Variants in PCDHGA3 observed in about 807,000 individuals in gnomAD.
PCDHGA3 encodes protocadherin gamma subfamily A, 3, also known as protocadherin gamma-A3.
PCDHGA3 carries 40 observed loss-of-function variants against 58.5 expected under a neutral mutation model. The ratio of observed to expected loss-of-function variants is 0.68; its 90% CI spans 0.53 to 0.89. The LOEUF (loss-of-function observed/expected upper bound fraction) is 0.89, where lower values mean the gene tolerates loss of function less well. PCDHGA3 is among the 40% of genes least tolerant of loss of function. PCDHGA3 has a pLI of 0.00. For missense variants in PCDHGA3, 1,223 were observed against 1,195.9 expected (o/e 1.02, Z -0.33); for synonymous variants, 530 against 525.7 (o/e 1.01, Z -0.11).
intron 1 of PCDHGA3, chr5:141,409,289 G>A: frequency 1.2e-6 from 2 of 1,613,976 alleles, no homozygotes; most frequent in Middle Eastern, 1.6e-4. Context: ...TTCACCTCCA[G>A]GAATGGTTGT....
chr5:141,370,473 C>T (rs1248894639), intron 1 of PCDHGA3: 2 of 1,613,496 alleles, frequency 1.2e-6, no homozygotes, highest in Non-Finnish European at 1.7e-6. Flanking sequence ...TTTGTTAGAC[C>T]AGGCTCTCTC....
intron 1 of PCDHGA3, chr5:141,393,583 C>T: frequency 6.2e-7 from 1 of 1,613,930 alleles, no homozygotes. Flanking sequence ...AACATGCCCC[C>T]AGGCACGCGG....
At position 141,351,571 on chromosome 5, in the gene PCDHGA3, C is replaced by T. The variant is rs370102258; in HGVS notation, c.2424+5114C>T. 24 of 1,613,956 alleles carry T rather than the reference C, an allele frequency of 1.5e-5. No homozygotes were observed. In the African/African-American group the frequency reaches 2.4e-4, roughly 16 times the overall value. On this transcript the variant is annotated intron_variant, in intron 1 of 3. Coordinates refer to ENST00000253812, the MANE Select transcript of PCDHGA3 (RefSeq NM_018916.4). Reference sequence around the variant, plus strand: ...CCTCCAGGACAAGCATCACCCTGCACATCTCCGACATCAACGACAATGCAC... The same window carrying T: ...CCTCCAGGACAAGCATCACCCTGCATATCTCCGACATCAACGACAATGCAC...
chr5:141,392,089 A>G (rs1278879227), intron 1 of PCDHGA3: 2 of 152,236 alleles, frequency 1.3e-5, no homozygotes, highest in Non-Finnish European at 2.9e-5. Context: ...ATTTAGAAGA[A>G]TAATTTAAAA....
rs369044087 is a variant in PCDHGA3 at position 141,389,106 on chromosome 5, C to G, written c.2424+42649C>G. On this transcript the variant is annotated intron_variant, in intron 1 of 3. Coordinates refer to ENST00000253812, the MANE Select transcript of PCDHGA3 (RefSeq NM_018916.4). ...GTATAAATTAGTGACAGATGCTGTTCTAGACCGCGAGCAGAATCCAGAGTA... is the reference window on the plus strand; with the variant it reads ...GTATAAATTAGTGACAGATGCTGTTGTAGACCGCGAGCAGAATCCAGAGTA... 73 of 1,613,908 alleles carry G rather than the reference C, an allele frequency of 4.5e-5. No individual in the cohort carries two copies. The highest frequency in any genetic ancestry group is 1.7e-5 in the Admixed American group (1 of 60,018).
chr5:141,413,656 G>A, intron 1 of PCDHGA3: 1 of 1,613,872 alleles, frequency 6.2e-7, no homozygotes, highest in Non-Finnish European at 8.5e-7. Flanking sequence ...TCTCCCGGAA[G>A]CTATTGATCC....
intron 1 of PCDHGA3, among the ~76,000 whole-genome samples, chr5:141,469,667 T>C (rs62379201): frequency 0.22 from 32,952 of 152,218 alleles, 3,707 homozygotes; most frequent in African/African-American, 0.28. Flanking sequence ...CTTGTTCTAA[T>C]AAAACTACAT....
intron 1 of PCDHGA3, chr5:141,351,617 T>C: frequency 6.2e-7 from 1 of 1,614,030 alleles, no homozygotes; most frequent in Admixed American, 1.7e-5. Flanking sequence ...TCAGGCCTCC[T>C]ATGTGGTCCA....
At position 141,494,781 on chromosome 5, in the gene PCDHGA3, C is replaced by A. The variant is rs145360252; in HGVS notation, c.2425-26C>A. On this transcript the variant is annotated intron_variant, in intron 1 of 3. Coordinates refer to ENST00000253812, the MANE Select transcript of PCDHGA3 (RefSeq NM_018916.4). ...ATTCTAACTTCTCACGGGTACTCAG[C>A]CCCTTTCCCTCTGTTTTCTCCACAG... 6,156 of 1,614,074 alleles carry A rather than the reference C, an allele frequency of 3.8e-3. 13 individuals are homozygous for A. Among genetic ancestry groups the A allele is most frequent in the Middle Eastern group, 8.1e-3 (49 of 6,062 alleles).
chr5:141,347,723 G>A (rs529643058), intron 1 of PCDHGA3, among the ~76,000 whole-genome samples: 22 of 151,470 alleles, frequency 1.5e-4, no homozygotes, highest in Admixed American at 2.6e-4. Context: ...GGAGGCAGAA[G>A]TTGCAGAGAG....
rs116335001 is a variant in PCDHGA3, at chr5:141,360,878, G to C, written c.2424+14421G>C. 2.7e-5 allele frequency: 43 copies of C among 1,614,024 alleles called. No homozygotes were observed. The African/African-American group carries it at 5.3e-4, about 20-fold the overall frequency. On this transcript the variant is annotated intron_variant, in intron 1 of 3. Transcript: ENST00000253812. ...CCAGTGTTCAGCCAGGACGTGTACA[G>C]GGTCACCCTGAGGGAGGACGTGCCG...
At chr5:141,355,020 C>A in intron 1 of PCDHGA3, 1 of 892,726 alleles carries the variant, frequency 1.1e-6, no homozygotes, top group Non-Finnish European at 1.6e-6. Context: ...GAAATTTAAT[C>A]AGAATCACAA....
chr5:141,432,753 C>G lies in PCDHGA3; in HGVS notation c.2425-62054C>G. ...ACTGTCACGCTCACCGTGGCCGTGGCCGACAGCATCCCCCAAGTCCTGGCG... is the reference window on the plus strand; with the variant it reads ...ACTGTCACGCTCACCGTGGCCGTGGGCGACAGCATCCCCCAAGTCCTGGCG... On this transcript the variant is annotated intron_variant, in intron 1 of 3. Coordinates refer to ENST00000253812, the MANE Select transcript of PCDHGA3 (RefSeq NM_018916.4). The surrounding 1 kb of genome is among the most constrained non-coding windows in gnomAD (Gnocchi z 6.0). 1 of 1,614,138 alleles carries G rather than the reference C, an allele frequency of 6.2e-7. No individual in the cohort carries two copies. The highest frequency in any genetic ancestry group is 8.5e-7 in the Non-Finnish European group (1 of 1,179,996).
chr5:141,477,158 A>G lies in PCDHGA3; in HGVS notation c.2425-17649A>G, dbSNP rs1476516538. 1.2e-6 allele frequency: 2 copies of G among 1,614,154 alleles called. No individual in the cohort carries two copies. Among genetic ancestry groups the G allele is most frequent in the Non-Finnish European group, 1.7e-6 (2 of 1,180,018 alleles). ...GGTGGAGGTTGTGGATGTGAATGACAACGCCCCGGAGATCACAGTCACCTC... is the reference window on the plus strand; with the variant it reads ...GGTGGAGGTTGTGGATGTGAATGACGACGCCCCGGAGATCACAGTCACCTC... On this transcript the variant is annotated intron_variant, in intron 1 of 3. Coordinates refer to ENST00000253812, the MANE Select transcript of PCDHGA3 (RefSeq NM_018916.4). This position sits in a 1 kb window ranked among gnomAD's most constrained non-coding sequence, Gnocchi z 4.9.
chr5:141,489,943 A>G lies in PCDHGA3; in HGVS notation c.2425-4864A>G. ...CCTTATCTCTGTCATCGTGCTGGAC[A>G]TCAATGATAATGCTCCAACCTTCCA... On this transcript the variant is annotated intron_variant, in intron 1 of 3. Transcript: ENST00000253812. The surrounding 1 kb of genome is among the most constrained non-coding windows in gnomAD (Gnocchi z 4.5). 5.6e-6 allele frequency: 9 copies of G among 1,614,190 alleles called. No homozygotes were observed. Among genetic ancestry groups the G allele is most frequent in the Non-Finnish European group, 7.6e-6 (9 of 1,180,016 alleles).
chr5:141,415,455 G>A (rs571718366), intron 1 of PCDHGA3: 2 of 1,614,186 alleles, frequency 1.2e-6, no homozygotes, highest in African/African-American at 1.3e-5. Context: ...ATTCCCACGA[G>A]GTCTCTCTCA....
chr5:141,477,708 G>T lies in PCDHGA3; in HGVS notation c.2425-17099G>T. ...GTGCCCCTAGACTATGAGGATCGGC[G>T]GGAATTTGAATTAACAGCTCATATC... On this transcript the variant is annotated intron_variant, in intron 1 of 3. Transcript: ENST00000253812. The surrounding 1 kb of genome is among the most constrained non-coding windows in gnomAD (Gnocchi z 4.9). 2 of 1,613,930 alleles carry T rather than the reference G, an allele frequency of 1.2e-6. No individual in the cohort carries two copies. Among genetic ancestry groups the T allele is most frequent in the Non-Finnish European group, 1.7e-6 (2 of 1,180,030 alleles).
chr5:141,472,164 G>C (rs2099273083), intron 1 of PCDHGA3, among the ~76,000 whole-genome samples: 1 of 152,158 alleles, frequency 6.6e-6, no homozygotes, highest in Non-Finnish European at 1.5e-5. Flanking sequence ...TAGCTACTAG[G>C]TGTAATATCC....
chr5:141,352,006 C>G (rs766760252), intron 1 of PCDHGA3: 4 of 1,610,492 alleles, frequency 2.5e-6, no homozygotes, highest in Non-Finnish European at 3.4e-6. Flanking sequence ...AGCCCGGCTA[C>G]CTGGTGACCA....
Sources: gnomAD v4.1 joint callset for allele counts (sites outside exome capture counted in the v4.1 genomes callset) on GRCh38, gnomAD v4.1.1 for gene constraint, Gnocchi (gnomAD v3.1) non-coding constraint, MANE v1.5 for transcripts, NCBI Gene and HGNC (gene_info 2026-07-23, HGNC 2026-07-21) for gene names.